MICU1: variants seen among roughly 807,000 people sequenced by gnomAD.
MICU1 encodes calcium uptake protein 1, mitochondrial.
MICU1 carries 45 observed loss-of-function variants against 56.8 expected under a neutral mutation model. That is an observed-to-expected ratio of 0.79 (90% confidence interval 0.62 to 1.02). MICU1 has a LOEUF of 1.02. Among genes scored for constraint, MICU1 ranks in the 50% least tolerant of loss-of-function variants. The pLI, the probability that MICU1 is intolerant of heterozygous loss-of-function variation, is 0.00. For missense variants in MICU1, 504 were observed against 587.1 expected (o/e 0.86, Z 1.46); for synonymous variants, 186 against 195.1 (o/e 0.95, Z 0.39).
chr10:72,462,182 G>A (rs1298291020), intron 8 of MICU1, among the ~76,000 whole-genome samples: 1 of 151,548 alleles, frequency 6.6e-6, no homozygotes, highest in Non-Finnish European at 1.5e-5. Flanking sequence ...ACTTTATGGT[G>A]GGTTTATTGG....
At chr10:72,568,066 T>C (rs1267045598) in intron 1 of MICU1, among the ~76,000 whole-genome samples, 2 of 152,054 alleles carry the variant, frequency 1.3e-5, no homozygotes, top group African/African-American at 4.8e-5. Context: ...CGGAGTTAGG[T>C]AGGGAGACTT....
chr10:72,421,733 T>C (rs944077121), intron 9 of MICU1, among the ~76,000 whole-genome samples: 3 of 152,246 alleles, frequency 2.0e-5, no homozygotes, highest in African/African-American at 7.2e-5. Context: ...TCAGTCTTTT[T>C]GTTTCTATGC....
intron 3 of MICU1, among the ~76,000 whole-genome samples, chr10:72,554,043 T>G (rs544462451): frequency 6.6e-6 from 1 of 152,306 alleles, no homozygotes; most frequent in East Asian, 1.9e-4. Context: ...ATATACCTTA[T>G]AAGACTTTCT....
At chr10:72,567,849 G>A (rs1465658447) in intron 1 of MICU1, among the ~76,000 whole-genome samples, 3 of 152,038 alleles carry the variant, frequency 2.0e-5, no homozygotes, top group East Asian at 3.9e-4. Flanking sequence ...TCTCTCTACT[G>A]ACAAAGTTTA....
chr10:72,373,815 T>C (rs907597929), intron 11 of MICU1, among the ~76,000 whole-genome samples: 21 of 152,154 alleles, frequency 1.4e-4, no homozygotes, highest in African/African-American at 4.8e-4. Context: ...CTAGAAGTGA[T>C]TGGAGTGAAA....
chr10:72,595,491 T>C (rs1841355666), intron 1 of MICU1, among the ~76,000 whole-genome samples: 1 of 126,678 alleles, frequency 7.9e-6, no homozygotes. Flanking sequence ...AAAAAGACCA[T>C]ATACATCAAA....
chr10:72,407,950 C>T lies in MICU1; in HGVS notation c.1159G>A (p.Ala387Thr). The T allele has an allele frequency of 1.2e-6, 2 of 1,612,606 alleles. No individual in the cohort carries two copies. The highest frequency in any genetic ancestry group is 1.7e-6 in the Non-Finnish European group (2 of 1,179,072). The change falls in exon 10 of 12, where the codon GCT becomes ACT. Residue 387 changes from alanine (A) to threonine (T), a missense_variant. Ala to Thr is a moderately conservative substitution (Grantham distance 58, BLOSUM62 0). Coordinates refer to ENST00000361114, the MANE Select transcript of MICU1 (RefSeq NM_001195518.2). ...TTACCTTTATCAAGAGATGCTCCAGCCATATGGTAAAAACTCAATGCAGTG... is the reference window on the plus strand; with the variant it reads ...TTACCTTTATCAAGAGATGCTCCAGTCATATGGTAAAAACTCAATGCAGTG... ...VDTALSFYHM[A>T]GASLDKVTMQ... is the part of the protein sequence containing the mutation.
intron 10 of MICU1, among the ~76,000 whole-genome samples, chr10:72,405,526 C>G (rs1019745499): frequency 2.0e-5 from 3 of 150,170 alleles, no homozygotes; most frequent in Admixed American, 6.7e-5. Context: ...CAGTCCCTAA[C>G]TCATTTTATG....
intron 1 of MICU1, among the ~76,000 whole-genome samples, chr10:72,567,653 G>A (rs890936760): frequency 6.6e-6 from 1 of 152,290 alleles, no homozygotes; most frequent in Middle Eastern, 3.4e-3. Context: ...TGACCTTCGC[G>A]ATGCCAGGGG....
chr10:72,562,891 A>C lies in MICU1; in HGVS notation c.330+4T>G. The C allele has an allele frequency of 6.3e-7, 1 of 1,583,092 alleles. No individual in the cohort carries two copies. The stretch of plus-strand genomic sequence containing the variant: ...TGATCAACTTATAAGACTATGTTTC[A>C]TACTTTTCTGTCTCTGAATCCAGAA... On this transcript the variant is annotated splice_donor_region_variant and intron_variant, in intron 3 of 11. Transcript: ENST00000361114.
chr10:72,621,470 C>T (rs1221618346), intron 1 of MICU1, among the ~76,000 whole-genome samples: 1 of 151,632 alleles, frequency 6.6e-6, no homozygotes, highest in Non-Finnish European at 1.5e-5. Context: ...CCAGCCTGGG[C>T]GACAAGTGTA....
At chr10:72,598,092 T>C (rs1048133891) in intron 1 of MICU1, among the ~76,000 whole-genome samples, 16 of 152,122 alleles carry the variant, frequency 1.1e-4, no homozygotes, top group Admixed American at 6.6e-5. Flanking sequence ...GTATTAGAGA[T>C]ATGAAAAACT....
chr10:72,388,982 A>T (rs1862981335), intron 10 of MICU1, among the ~76,000 whole-genome samples: 1 of 152,232 alleles, frequency 6.6e-6, no homozygotes. Context: ...GAATGAGGAT[A>T]ATTCAGGTTT....
chr10:72,537,789 T>C (rs1285262156), intron 4 of MICU1, among the ~76,000 whole-genome samples: 2 of 152,170 alleles, frequency 1.3e-5, no homozygotes, highest in Non-Finnish European at 2.9e-5. Flanking sequence ...GGTACACACA[T>C]ACTGTTAAGA....
intron 5 of MICU1, chr10:72,509,250 C>T (rs878922084): frequency 3.8e-6 from 2 of 532,906 alleles, no homozygotes; most frequent in Non-Finnish European, 5.9e-6. Context: ...AAACCCAAAC[C>T]AATAAAGCAC....
chr10:72,500,302 ATTTTTTT>A (rs542725786), intron 6 of MICU1, among the ~76,000 whole-genome samples: 1,205 of 10,506 alleles, frequency 0.11, 40 homozygotes, highest in Middle Eastern at 0.25. Context: ...ATATATATAT[ATTTTTTT>A]TTTTTTTTTT....
chr10:72,604,443 T>C lies in MICU1; in HGVS notation c.-2+21567A>G, dbSNP rs184244191. ...TATGCACCACCATGCCCAGCTAATTTTGTATTTTTAGTAGAGATGGGGTTT... is the reference window on the plus strand; with the variant it reads ...TATGCACCACCATGCCCAGCTAATTCTGTATTTTTAGTAGAGATGGGGTTT... On this transcript the variant is annotated intron_variant, in intron 1 of 11. Transcript: ENST00000361114. Among the ~76,000 whole-genome samples, 18 of 152,216 alleles carry C rather than the reference T, an allele frequency of 1.2e-4. No homozygotes were observed. The East Asian group carries it at 3.1e-3, about 26-fold the overall frequency.
chr10:72,574,660 A>C (rs1840696937), intron 1 of MICU1, among the ~76,000 whole-genome samples: 1 of 152,186 alleles, frequency 6.6e-6, no homozygotes, highest in South Asian at 2.1e-4. Context: ...ATACTAAGGA[A>C]AATTATCCCC....
At chr10:72,465,912 C>G (rs1201900161) in intron 8 of MICU1, among the ~76,000 whole-genome samples, 1 of 152,154 alleles carries the variant, frequency 6.6e-6, no homozygotes, top group Admixed American at 6.6e-5. Flanking sequence ...TGAGATATAA[C>G]AGCAAAATTA....
Sources: allele counts gnomAD v4.1 joint callset (sites outside exome capture counted in the v4.1 genomes callset), GRCh38; gene constraint gnomAD v4.1.1; transcripts MANE v1.5; gene names NCBI Gene and HGNC (gene_info 2026-07-23, HGNC 2026-07-21).